IRF2: variants seen among roughly 807,000 people sequenced by gnomAD.
IRF2 encodes interferon regulatory factor 2.
IRF2 carries 15 observed loss-of-function variants against 40.6 expected under a neutral mutation model. The ratio of observed to expected loss-of-function variants is 0.37; its 90% CI spans 0.25 to 0.57. The LOEUF (loss-of-function observed/expected upper bound fraction) is 0.57. Ranked by LOEUF, IRF2 falls within the 20% of genes least tolerant of loss-of-function variation. IRF2 has a pLI of 0.77. For missense variants in IRF2, 317 were observed against 455.7 expected (o/e 0.70, Z 2.77); for synonymous variants, 151 against 165.5 (o/e 0.91, Z 0.67).
intron 8 of IRF2, among the ~76,000 whole-genome samples, chr4:184,389,961 CA>C (rs1207792323): frequency 6.6e-6 from 1 of 152,234 alleles, no homozygotes; most frequent in Non-Finnish European, 1.5e-5. Context: ...GCTAGAGCTG[CA>C]ACCTTGAAGA....
intron 1 of IRF2, among the ~76,000 whole-genome samples, chr4:184,473,698 C>A (rs984999527): frequency 2.7e-5 from 4 of 150,242 alleles, no homozygotes; most frequent in African/African-American, 9.7e-5. Context: ...CGACCCCGAG[C>A]CCGGCAGGCA....
intron 1 of IRF2, among the ~76,000 whole-genome samples, chr4:184,466,065 TTG>T (rs1399084801): frequency 5.2e-5 from 6 of 115,070 alleles, no homozygotes; most frequent in Non-Finnish European, 8.0e-5. Flanking sequence ...TTTTTGTTTT[TTG>T]TTTTTTTTTT....
intron 1 of IRF2, among the ~76,000 whole-genome samples, chr4:184,471,297 A>G (rs1270145395): frequency 6.6e-6 from 1 of 152,190 alleles, no homozygotes; most frequent in Non-Finnish European, 1.5e-5. Context: ...GGTAATAACT[A>G]TATTTTTTGT....
intron 1 of IRF2, among the ~76,000 whole-genome samples, chr4:184,430,137 G>A (rs1486172994): frequency 1.3e-5 from 2 of 151,968 alleles, no homozygotes; most frequent in Admixed American, 1.3e-4. Context: ...TTGGCATTTG[G>A]GCTGATGTCT....
At position 184,474,146 on chromosome 4, in the gene IRF2, T is replaced by A. The variant is rs1048651092; in HGVS notation, c.-7+233A>T. ...CTCCTCGCAGCCTCAGCAGCCCCAG[T>A]AGCAGCAGCAACAGCAGCAGAACCT... On this transcript the variant is annotated intron_variant, in intron 1 of 8. Coordinates refer to ENST00000393593, the MANE Select transcript of IRF2 (RefSeq NM_002199.4). The surrounding 1 kb of genome is among the most constrained non-coding windows in gnomAD (Gnocchi z 5.6). 1 of 154,024 alleles carries A rather than the reference T, an allele frequency of 6.5e-6. No homozygotes were observed. Among genetic ancestry groups the A allele is most frequent in the African/African-American group, 2.4e-5 (1 of 41,432 alleles). 9.5% of individuals were successfully genotyped at this position (154,024 alleles called of 1,614,324 possible).
intron 1 of IRF2, among the ~76,000 whole-genome samples, chr4:184,449,350 A>T (rs1033601839): frequency 1.3e-5 from 2 of 152,212 alleles, no homozygotes; most frequent in Admixed American, 6.5e-5. Flanking sequence ...ATTTGGCTTC[A>T]AAGTCACTTG....
At chr4:184,440,520 T>A (rs549935684) in intron 1 of IRF2, among the ~76,000 whole-genome samples, 181 of 152,354 alleles carry the variant, frequency 1.2e-3, no homozygotes, top group African/African-American at 4.2e-3. Flanking sequence ...AAACGGGCCT[T>A]CATGCCTCCG....
rs758258342 is a variant in IRF2, at chr4:184,444,453, G to T, written c.-6-15383C>A. Among the ~76,000 whole-genome samples, 91 of 152,164 alleles carry T rather than the reference G, an allele frequency of 6.0e-4. 1 individual carries two copies. The highest frequency in any genetic ancestry group is 2.8e-4 in the Non-Finnish European group (19 of 68,038). On this transcript the variant is annotated intron_variant, in intron 1 of 8. Coordinates refer to ENST00000393593, the MANE Select transcript of IRF2 (RefSeq NM_002199.4). ...TCCTCTGTAAAATGGGATAACTTCC[G>T]CATGGTTTGCGGTAAGGATTAAATA...
At chr4:184,399,673 G>A (rs756388351) in intron 6 of IRF2, among the ~76,000 whole-genome samples, 4 of 152,262 alleles carry the variant, frequency 2.6e-5, no homozygotes, top group African/African-American at 2.4e-5. Context: ...GCTGGGTGGC[G>A]CTCTGCTTAC....
At chr4:184,472,533 C>G (rs961096575) in intron 1 of IRF2, 1 of 152,216 alleles carries the variant, frequency 6.6e-6, no homozygotes, top group African/African-American at 2.4e-5. Flanking sequence ...CCTGGCCATT[C>G]ATCAAAAGCA....
rs1363806883 is a variant in IRF2, at chr4:184,413,942, A to C, written c.411+4225T>G. On this transcript the variant is annotated intron_variant, in intron 5 of 8. Transcript: ENST00000393593. The surrounding 1 kb of genome is among the most constrained non-coding windows in gnomAD (Gnocchi z 4.2). ...CCAGGCCTTCATTCCTGATGCCCCT[A>C]GTGCTGCGGAAGGACCAGTTTGACC... Among the ~76,000 whole-genome samples the C allele has an allele frequency of 6.6e-6, 1 of 152,190 alleles. No individual in the cohort carries two copies. Among genetic ancestry groups the C allele is most frequent in the Non-Finnish European group, 1.5e-5 (1 of 68,028 alleles).
At chr4:184,466,499 T>A (rs1739335691) in intron 1 of IRF2, among the ~76,000 whole-genome samples, 1 of 152,196 alleles carries the variant, frequency 6.6e-6, no homozygotes, top group Non-Finnish European at 1.5e-5. Context: ...ACATGTGCCC[T>A]GAAAATACAT....
At chr4:184,395,756 A>G (rs1736432302) in intron 7 of IRF2, among the ~76,000 whole-genome samples, 1 of 152,254 alleles carries the variant, frequency 6.6e-6, no homozygotes, top group South Asian at 2.1e-4. Context: ...AAAGAACCAA[A>G]GGCCAGGCTG....
chr4:184,443,486 C>T (rs1441129023), intron 1 of IRF2, among the ~76,000 whole-genome samples: 1 of 152,114 alleles, frequency 6.6e-6, no homozygotes, highest in Non-Finnish European at 1.5e-5. Context: ...TTTTCTGATT[C>T]TGTGTTAATT....
chr4:184,452,057 C>A (rs899657586), intron 1 of IRF2, among the ~76,000 whole-genome samples: 1 of 152,156 alleles, frequency 6.6e-6, no homozygotes, highest in Non-Finnish European at 1.5e-5. Context: ...GGGTTTAAAG[C>A]CTGAAATCCC....
intron 5 of IRF2, among the ~76,000 whole-genome samples, chr4:184,416,395 T>C (rs1395869303): frequency 5.6e-5 from 8 of 142,290 alleles, no homozygotes; most frequent in Non-Finnish European, 7.6e-5. Flanking sequence ...GTTTGTTCAA[T>C]TGTAAAAAAA....
At chr4:184,433,230 G>T (rs1390904070) in intron 1 of IRF2, among the ~76,000 whole-genome samples, 1 of 152,214 alleles carries the variant, frequency 6.6e-6, no homozygotes, top group Non-Finnish European at 1.5e-5. Flanking sequence ...ACGTGCACAG[G>T]AATCCCAAGT....
intron 1 of IRF2, among the ~76,000 whole-genome samples, chr4:184,442,509 C>T (rs1479268333): frequency 6.6e-6 from 1 of 152,102 alleles, no homozygotes; most frequent in Non-Finnish European, 1.5e-5. Flanking sequence ...AGCCCATAAC[C>T]GATTAACCTG....
intron 1 of IRF2, among the ~76,000 whole-genome samples, chr4:184,446,476 G>A (rs763988028): frequency 1.3e-5 from 2 of 152,212 alleles, no homozygotes; most frequent in African/African-American, 2.4e-5. Flanking sequence ...CGTCATTGTG[G>A]TGGGGCAACC....
Sources: gnomAD v4.1 joint callset for allele counts (sites outside exome capture counted in the v4.1 genomes callset) on GRCh38, gnomAD v4.1.1 for gene constraint, Gnocchi (gnomAD v3.1) non-coding constraint, MANE v1.5 for transcripts, NCBI Gene and HGNC (gene_info 2026-07-23, HGNC 2026-07-21) for gene names.